The following MAD1L1 variants were observed in gnomAD, a reference collection of about 807,000 sequenced individuals.
MAD1L1 encodes mitotic spindle assembly checkpoint protein MAD1.
A neutral mutation model predicts 96.9 loss-of-function variants in MAD1L1; 95 were observed. That is an observed-to-expected ratio of 0.98 (90% CI 0.83 to 1.16). MAD1L1 has a LOEUF of 1.16. Among genes scored for constraint, MAD1L1 ranks in the 50% most tolerant of loss-of-function variants. MAD1L1 has a pLI of 0.00. For missense variants in MAD1L1, 1,007 were observed against 954.4 expected (o/e 1.06, Z -0.73); for synonymous variants, 473 against 396.6 (o/e 1.19, Z -2.29).
intron 18 of MAD1L1, among the ~76,000 whole-genome samples, chr7:1,897,298 G>A (rs1294742216): frequency 6.7e-6 from 1 of 149,334 alleles, no homozygotes; most frequent in Non-Finnish European, 1.5e-5. Context: ...GCTGCAGACT[G>A]CAGGCAGTTT....
At chr7:2,126,366 G>C (rs746658945) in intron 11 of MAD1L1, among the ~76,000 whole-genome samples, 1 of 152,158 alleles carries the variant, frequency 6.6e-6, no homozygotes, top group Non-Finnish European at 1.5e-5. Context: ...CAGGCACTCG[G>C]GCATGCACAG....
chr7:1,933,123 G>A (rs982008358), intron 17 of MAD1L1, among the ~76,000 whole-genome samples: 2 of 152,276 alleles, frequency 1.3e-5, no homozygotes, highest in East Asian at 1.9e-4. Context: ...GTTTCTCTGC[G>A]TTTCGCTGTG....
intron 18 of MAD1L1, among the ~76,000 whole-genome samples, chr7:1,836,751 C>T (rs749384305): frequency 5.9e-5 from 9 of 152,014 alleles, no homozygotes; most frequent in Admixed American, 1.3e-4. Flanking sequence ...AGTAACTGGA[C>T]GTTCATATGC....
At chr7:2,230,408 A>C (rs1386294271) in intron 2 of MAD1L1, 141 bp downstream of exon 2, 3 of 371,664 alleles carry the variant, frequency 8.1e-6, no homozygotes, top group Non-Finnish European at 1.5e-5. Flanking sequence ...ACAGATGGAC[A>C]GCTGGCGCCC....
intron 12 of MAD1L1, among the ~76,000 whole-genome samples, chr7:2,059,482 T>C (rs1404256933): frequency 2.5e-5 from 2 of 80,016 alleles, no homozygotes; most frequent in Non-Finnish European, 5.4e-5. Context: ...TGGAGAGGGA[T>C]TGTGGCCAGA....
At chr7:2,039,295 T>C (rs1179256294) in intron 12 of MAD1L1, among the ~76,000 whole-genome samples, 8 of 152,254 alleles carry the variant, frequency 5.3e-5, no homozygotes, top group Admixed American at 5.2e-4. Flanking sequence ...CTTTCCAGTT[T>C]TTGGCCATTA....
intron 11 of MAD1L1, among the ~76,000 whole-genome samples, chr7:2,120,946 G>C (rs1787948050): frequency 1.3e-5 from 2 of 152,158 alleles, no homozygotes; most frequent in Admixed American, 6.5e-5. Flanking sequence ...GGCAGGCGCA[G>C]ACCTGACGTG....
intron 12 of MAD1L1, among the ~76,000 whole-genome samples, chr7:2,057,146 C>T (rs543026892): frequency 6.6e-6 from 1 of 152,338 alleles, no homozygotes; most frequent in South Asian, 2.1e-4. Context: ...TAGAGAGGGG[C>T]CCTTGAGCTC....
chr7:2,156,179 G>A (rs1035157700), intron 10 of MAD1L1, among the ~76,000 whole-genome samples: 10 of 146,694 alleles, frequency 6.8e-5, no homozygotes, highest in Admixed American at 1.4e-4. Context: ...ACGGTTTCAC[G>A]GCGCGTGTGG....
At chr7:2,102,331 T>TCACCATCACCACCGC (rs1300132410) in intron 11 of MAD1L1, among the ~76,000 whole-genome samples, 82 of 123,378 alleles carry the variant, frequency 6.6e-4, no homozygotes, top group Middle Eastern at 4.9e-3. Context: ...GCCGTCACCA[T>TCACCATCACCACCGC]CACCATCACC....
chr7:2,088,471 C>T lies in MAD1L1; in HGVS notation c.1074-19133G>A, dbSNP rs551389910. 3.3e-5 allele frequency among the ~76,000 whole-genome samples: 5 copies of T among 152,322 alleles called. No individual in the cohort carries two copies. Among genetic ancestry groups the T allele is most frequent in the East Asian group, 1.9e-4 (1 of 5,184 alleles). On this transcript the variant is annotated intron_variant, in intron 11 of 18. Coordinates refer to ENST00000265854, the MANE Select transcript of MAD1L1 (RefSeq NM_001013836.2). This position sits in a 1 kb window ranked among gnomAD's most constrained non-coding sequence, Gnocchi z 4.4. Reference sequence around the variant, plus strand: ...TCCACTGAACCCCAGAGAGGCTCCCCGCTTGCCTCCAGGGAACACCGCCCC... The same window carrying T: ...TCCACTGAACCCCAGAGAGGCTCCCTGCTTGCCTCCAGGGAACACCGCCCC...
chr7:1,817,937 AC>A (rs939997612), intron 18 of MAD1L1, among the ~76,000 whole-genome samples: 2 of 151,022 alleles, frequency 1.3e-5, no homozygotes, highest in Non-Finnish European at 3.0e-5. Context: ...CTGCGACCTG[AC>A]CTGTTCCTGC....
chr7:2,071,092 C>A (rs554201807), intron 11 of MAD1L1, among the ~76,000 whole-genome samples: 1 of 149,536 alleles, frequency 6.7e-6, no homozygotes, highest in Non-Finnish European at 1.5e-5. Flanking sequence ...CTTTCTTGGG[C>A]GGTGGTTTGG....
chr7:2,219,462 A>G lies in MAD1L1; in HGVS notation c.472-6T>C. 1.2e-6 allele frequency: 2 copies of G among 1,613,152 alleles called. No individual in the cohort carries two copies. Among genetic ancestry groups the G allele is most frequent in the Non-Finnish European group, 1.7e-6 (2 of 1,179,596 alleles). On this transcript the variant is annotated splice_polypyrimidine_tract_variant and splice_region_variant and intron_variant, in intron 5 of 18. Coordinates refer to ENST00000265854, the MANE Select transcript of MAD1L1 (RefSeq NM_001013836.2). ...CCCTTCAGTGCGTTGATGGTCTAAA[A>G]GTAGAGGGGACCAGAGAGCCGCTCA... is the stretch of plus-strand genomic sequence containing the variant.
At chr7:2,099,789 C>G (rs931689965) in intron 11 of MAD1L1, among the ~76,000 whole-genome samples, 1 of 152,236 alleles carries the variant, frequency 6.6e-6, no homozygotes, top group African/African-American at 2.4e-5. Context: ...AGGGAGGAGC[C>G]CCTGGTAGGC....
chr7:2,063,788 C>A (rs886603087), intron 12 of MAD1L1, among the ~76,000 whole-genome samples: 1 of 152,242 alleles, frequency 6.6e-6, no homozygotes, highest in Non-Finnish European at 1.5e-5. Context: ...CCAGAACACA[C>A]TCCTTCATGA....
In MAD1L1 at chr7:2,230,049, A is replaced by C; in HGVS notation, c.85T>G (p.Ser29Ala). 1 of 1,613,722 alleles carries C rather than the reference A, an allele frequency of 6.2e-7. No homozygotes were observed. ...NFISQRVEGG[S>A]GLDISTSAPG... Reference sequence around the variant, plus strand: ...GCCGAGGTAGAAATATCCAGTCCAGAGCCTCCCTCCACACGCTGAGAGATG... The same window carrying C: ...GCCGAGGTAGAAATATCCAGTCCAGCGCCTCCCTCCACACGCTGAGAGATG... Residue 29 changes from serine to alanine, a missense_variant, in exon 3 of 19, where the codon TCT (serine) becomes GCT (alanine). Physicochemically the swap from Ser to Ala is moderately conservative, Grantham distance 99. Coordinates refer to ENST00000265854, the MANE Select transcript of MAD1L1 (RefSeq NM_001013836.2).
At chr7:2,041,498 T>C (rs1188611967) in intron 12 of MAD1L1, among the ~76,000 whole-genome samples, 5 of 152,098 alleles carry the variant, frequency 3.3e-5, no homozygotes, top group African/African-American at 1.2e-4. Flanking sequence ...CTTCCCTGAC[T>C]CCATTTGGGC....
chr7:1,862,206 G>C (rs1420078683), intron 18 of MAD1L1, among the ~76,000 whole-genome samples: 2 of 152,202 alleles, frequency 1.3e-5, no homozygotes, highest in Non-Finnish European at 2.9e-5. Flanking sequence ...GGTTACTCCG[G>C]GTTGGTCTCC....
Sources: allele counts gnomAD v4.1 joint callset (sites outside exome capture counted in the v4.1 genomes callset), GRCh38; gene constraint gnomAD v4.1.1; non-coding constraint Gnocchi (gnomAD v3.1); transcripts MANE v1.5; gene names NCBI Gene and HGNC (gene_info 2026-07-23, HGNC 2026-07-21).